Variants in MARCHF10 observed in about 807,000 individuals in gnomAD.
The protein encoded by MARCHF10 is membrane associated ring-CH-type finger 10.
Under a neutral mutation model 76.2 loss-of-function variants are expected in MARCHF10, and 64 were observed. The ratio of observed to expected loss-of-function variants is 0.84; its 90% CI spans 0.69 to 1.03. MARCHF10 has a LOEUF of 1.03. MARCHF10 is among the 50% of genes least tolerant of loss of function. The probability of loss-of-function intolerance (pLI) is 0.00; values close to 1 mark genes in which losing one functional copy is unlikely to be tolerated. For missense variants in MARCHF10, 875 were observed against 958.0 expected (o/e 0.91, Z 1.14); for synonymous variants, 340 against 357.5 (o/e 0.95, Z 0.55).
At chr17:62,705,144 G>C (rs918870660) in intron 10 of MARCHF10, 1 of 1,168,966 alleles carries the variant, frequency 8.6e-7, no homozygotes, top group African/African-American at 1.6e-5. Flanking sequence ...GTAAGGGCCA[G>C]ACAGCCCCTG....
intron 3 of MARCHF10, among the ~76,000 whole-genome samples, chr17:62,779,817 C>T (rs1487883086): frequency 6.6e-6 from 1 of 152,354 alleles, no homozygotes; most frequent in East Asian, 1.9e-4. Flanking sequence ...AGCCGGATGG[C>T]TGAGTGCAGT....
At chr17:62,756,140 C>T (rs2092034259) in intron 4 of MARCHF10, among the ~76,000 whole-genome samples, 1 of 152,042 alleles carries the variant, frequency 6.6e-6, no homozygotes, top group Non-Finnish European at 1.5e-5. Flanking sequence ...CCCAGCTACT[C>T]GGGAGGCTGA....
rs578011322 is a variant in MARCHF10 at position 62,801,460 on chromosome 17, T to TA, written c.90+185_90+186insT. 3.9e-4 allele frequency among the ~76,000 whole-genome samples: 48 copies of TA among 123,180 alleles called. 1 individual carries two copies. Among genetic ancestry groups the TA allele is most frequent in the Admixed American group, 2.4e-3 (30 of 12,394 alleles). 80.8% of individuals were successfully genotyped at this position (123,180 alleles called of 152,430 possible). A position where few individuals can be genotyped will look rare whatever the true frequency, so the allele number is the denominator to read the frequency against. On this transcript the variant is annotated intron_variant, in intron 2 of 10. Coordinates refer to ENST00000311269, the MANE Select transcript of MARCHF10 (RefSeq NM_152598.4). ...GAGCCACCGTGCCCAGCTATCCCCGTTTTTTTTTTTTTTTTTACAGACGAG... is the reference window on the plus strand; with the variant it reads ...GAGCCACCGTGCCCAGCTATCCCCGTATTTTTTTTTTTTTTTTACAGACGAG...
At chr17:62,757,287 CT>C (rs2092074799) in intron 4 of MARCHF10, among the ~76,000 whole-genome samples, 1 of 152,160 alleles carries the variant, frequency 6.6e-6, no homozygotes, top group South Asian at 2.1e-4. Flanking sequence ...GTTTTGATGA[CT>C]TACTGCCAAC....
intron 9 of MARCHF10, 50 bp from the exon 10 acceptor site, chr17:62,705,631 G>A (rs768636557): frequency 1.4e-5 from 22 of 1,606,384 alleles, no homozygotes; most frequent in African/African-American, 4.0e-5. Flanking sequence ...CAATACGATT[G>A]TGAACAGATG....
At chr17:62,722,234 T>C (rs547532848) in intron 8 of MARCHF10, among the ~76,000 whole-genome samples, 61 of 141,970 alleles carry the variant, frequency 4.3e-4, no homozygotes, top group Non-Finnish European at 7.6e-4. Context: ...AGTGAGATTG[T>C]GCCACTGCAT....
chr17:62,807,014 G>A (rs2093174466), intron 1 of MARCHF10, among the ~76,000 whole-genome samples: 1 of 152,212 alleles, frequency 6.6e-6, no homozygotes. Flanking sequence ...ACGGAAGGTT[G>A]CTTTGAAATA....
intron 2 of MARCHF10, among the ~76,000 whole-genome samples, chr17:62,800,834 GCTCC>G (rs2093059287): frequency 6.6e-6 from 1 of 152,124 alleles, no homozygotes; most frequent in Non-Finnish European, 1.5e-5. Flanking sequence ...GATTCCTCAG[GCTCC>G]CTGTGTGTTT....
At chr17:62,753,210 G>A (rs1444615672) in intron 4 of MARCHF10, among the ~76,000 whole-genome samples, 1 of 152,052 alleles carries the variant, frequency 6.6e-6, no homozygotes, top group East Asian at 1.9e-4. Flanking sequence ...GGGTTCAAGC[G>A]ATTCTCCTGC....
intron 7 of MARCHF10, 117 bp from the exon 8 acceptor site, chr17:62,722,714 T>A: frequency 1.3e-6 from 1 of 758,628 alleles, no homozygotes; most frequent in East Asian, 2.9e-5. Flanking sequence ...TGAGCTTCAG[T>A]GACCTTCCTT....
At chr17:62,704,184 G>A (rs1249528534) in intron 10 of MARCHF10, among the ~76,000 whole-genome samples, 1 of 151,550 alleles carries the variant, frequency 6.6e-6, no homozygotes, top group African/African-American at 2.4e-5. Flanking sequence ...CGAGGCGGAG[G>A]CTGGGACGCG....
intron 7 of MARCHF10, among the ~76,000 whole-genome samples, chr17:62,723,559 C>CTTTATTTTTTTTTTTTTTTTTTTTTTT (rs2090599314): frequency 1.2e-5 from 1 of 80,370 alleles, no homozygotes; most frequent in Non-Finnish European, 2.4e-5. Flanking sequence ...GTTCGCTTGA[C>CTTTATTTTTTTTTTTTTTTTTTTTTTT]TTTTTTTTTT....
At chr17:62,791,322 A>C (rs1353672278) in intron 2 of MARCHF10, among the ~76,000 whole-genome samples, 1 of 152,164 alleles carries the variant, frequency 6.6e-6, no homozygotes, top group African/African-American at 2.4e-5. Context: ...GTCCTAACCT[A>C]CTGGTATTAA....
intron 3 of MARCHF10, among the ~76,000 whole-genome samples, chr17:62,775,909 T>C (rs959566158): frequency 3.9e-5 from 6 of 152,060 alleles, no homozygotes; most frequent in Non-Finnish European, 7.4e-5. Context: ...CTTGAACCCC[T>C]GGGCTCAAGT....
intron 7 of MARCHF10, among the ~76,000 whole-genome samples, chr17:62,724,736 A>AAAAC (rs2090666332): frequency 6.6e-6 from 1 of 152,302 alleles, no homozygotes; most frequent in South Asian, 2.1e-4. Context: ...AACCAAAACA[A>AAAAC]AAACAAACAA....
At chr17:62,727,307 AC>A (rs764326954) in intron 6 of MARCHF10, among the ~76,000 whole-genome samples, 1 of 152,114 alleles carries the variant, frequency 6.6e-6, no homozygotes, top group Non-Finnish European at 1.5e-5. Flanking sequence ...TGAAGAAGAG[AC>A]AGAAAAGCAC....
At chr17:62,804,849 G>A (rs1434336645) in intron 1 of MARCHF10, 2 of 152,180 alleles carry the variant, frequency 1.3e-5, no homozygotes, top group African/African-American at 4.8e-5. Context: ...TGTGTGACAA[G>A]GGCTGCTAGG....
intron 3 of MARCHF10, among the ~76,000 whole-genome samples, chr17:62,766,500 C>CA (rs201067995): frequency 1.6e-3 from 229 of 142,742 alleles, no homozygotes; most frequent in Non-Finnish European, 2.1e-3. Flanking sequence ...AACTCCGTCT[C>CA]AAAAAAGAAA....
chr17:62,723,827 T>C (rs9303463), intron 7 of MARCHF10, among the ~76,000 whole-genome samples: 51,251 of 151,944 alleles, frequency 0.34, 8,670 homozygotes, highest in Non-Finnish European at 0.35. Context: ...GGACTGAATA[T>C]TTTGCTCGTT....
Sources: gnomAD v4.1 joint callset for allele counts (sites outside exome capture counted in the v4.1 genomes callset) on GRCh38, gnomAD v4.1.1 for gene constraint, MANE v1.5 for transcripts, NCBI Gene and HGNC (gene_info 2026-07-23, HGNC 2026-07-21) for gene names.